Variants in PRICKLE1 observed in about 807,000 individuals in gnomAD.
PRICKLE1 encodes prickle-like protein 1.
A neutral mutation model predicts 70.2 loss-of-function variants in PRICKLE1; 14 were observed. The ratio of observed to expected loss-of-function variants is 0.20; its 90% CI spans 0.13 to 0.31. PRICKLE1 has a LOEUF of 0.31. Ranked by LOEUF, PRICKLE1 falls within the 10% of genes least tolerant of loss-of-function variation. PRICKLE1 has a pLI of 1.00. For synonymous variants in PRICKLE1, 357 were observed against 379.9 expected (o/e 0.94, Z 0.70); for missense variants, 821 against 1,026.2 (o/e 0.80, Z 2.73).
At chr12:42,566,743 C>T (rs888443783) in intron 1 of PRICKLE1, among the ~76,000 whole-genome samples, 3 of 152,190 alleles carry the variant, frequency 2.0e-5, no homozygotes, top group Non-Finnish European at 4.4e-5. Context: ...TGTGCTATTT[C>T]AAGCCAGGCA....
chr12:42,554,316 T>A (rs948996640), intron 1 of PRICKLE1, among the ~76,000 whole-genome samples: 3 of 152,136 alleles, frequency 2.0e-5, no homozygotes, highest in African/African-American at 7.2e-5. Flanking sequence ...ATTCTTATTG[T>A]AAAGGAAATA....
At chr12:42,470,838 A>G (rs1020807201) in intron 2 of PRICKLE1, among the ~76,000 whole-genome samples, 1 of 151,758 alleles carries the variant, frequency 6.6e-6, no homozygotes, top group African/African-American at 2.4e-5. Flanking sequence ...CCTGGGAGGC[A>G]GAGGTTGCAG....
In PRICKLE1 at chr12:42,503,924, G is replaced by A. The variant is rs138708902; in HGVS notation, c.-48-31360C>T. Among the ~76,000 whole-genome samples, 139 of 152,244 alleles carry A rather than the reference G, an allele frequency of 9.1e-4. 3 individuals carry two copies. The highest frequency in any genetic ancestry group is 2.9e-3 in the African/African-American group (119 of 41,528). ...AAGCGGGTTCTGGTTATTTAGTTAAGTAGCAAAGGGAATTCTTGGGGAAAA... is the reference window on the plus strand; with the variant it reads ...AAGCGGGTTCTGGTTATTTAGTTAAATAGCAAAGGGAATTCTTGGGGAAAA... On this transcript the variant is annotated intron_variant, in intron 1 of 7. Transcript: ENST00000345127.
chr12:42,566,879 C>G (rs1566129801), intron 1 of PRICKLE1, among the ~76,000 whole-genome samples: 2 of 152,132 alleles, frequency 1.3e-5, no homozygotes, highest in African/African-American at 2.4e-5. Context: ...AGTTTTTGAG[C>G]CACTATCATA....
At chr12:42,548,286 T>G (rs1276177657) in intron 1 of PRICKLE1, among the ~76,000 whole-genome samples, 1 of 152,204 alleles carries the variant, frequency 6.6e-6, no homozygotes, top group African/African-American at 2.4e-5. Context: ...TCAAAAAGTT[T>G]CAGATTTTGG....
At chr12:42,588,164 C>T (rs1230125955) in intron 1 of PRICKLE1, among the ~76,000 whole-genome samples, 1 of 152,242 alleles carries the variant, frequency 6.6e-6, no homozygotes, top group Admixed American at 6.5e-5. Context: ...CATCTGGAGC[C>T]GGACTACGGC....
intron 1 of PRICKLE1, among the ~76,000 whole-genome samples, chr12:42,538,477 G>C (rs1225498677): frequency 6.6e-6 from 1 of 152,164 alleles, no homozygotes; most frequent in African/African-American, 2.4e-5. Flanking sequence ...TGATACAGAA[G>C]GTAGGGGTGC....
chr12:42,563,359 A>G (rs747796252), intron 1 of PRICKLE1, among the ~76,000 whole-genome samples: 7 of 151,948 alleles, frequency 4.6e-5, no homozygotes, highest in African/African-American at 7.3e-5. Context: ...TTAAATGTTT[A>G]ATTATCATGG....
At chr12:42,489,452 G>A (rs1939051448) in intron 1 of PRICKLE1, among the ~76,000 whole-genome samples, 1 of 150,384 alleles carries the variant, frequency 6.6e-6, no homozygotes, top group African/African-American at 2.4e-5. Context: ...TTGAGGTGAG[G>A]AGTTCGAAAC....
At chr12:42,540,642 A>T (rs1197509548) in intron 1 of PRICKLE1, among the ~76,000 whole-genome samples, 1 of 152,076 alleles carries the variant, frequency 6.6e-6, no homozygotes, top group East Asian at 1.9e-4. Context: ...GGCTCGCTGT[A>T]ACCTCCGCCT....
At chr12:42,508,248 G>A (rs961682295) in intron 1 of PRICKLE1, among the ~76,000 whole-genome samples, 1 of 152,182 alleles carries the variant, frequency 6.6e-6, no homozygotes, top group African/African-American at 2.4e-5. Context: ...CGCTCATACT[G>A]CTTCAAGGCA....
At chr12:42,567,678 T>C (rs1034749474) in intron 1 of PRICKLE1, among the ~76,000 whole-genome samples, 7 of 151,388 alleles carry the variant, frequency 4.6e-5, no homozygotes, top group African/African-American at 1.7e-4. Flanking sequence ...AAATACAAAA[T>C]TAACTGGGCG....
chr12:42,564,931 C>T (rs565712495), intron 1 of PRICKLE1, among the ~76,000 whole-genome samples: 2 of 152,150 alleles, frequency 1.3e-5, no homozygotes, highest in African/African-American at 4.8e-5. Context: ...TATTTAAATA[C>T]GTCAGGGCAG....
intron 1 of PRICKLE1, among the ~76,000 whole-genome samples, chr12:42,561,623 G>T (rs1217490830): frequency 2.0e-5 from 3 of 152,144 alleles, no homozygotes; most frequent in African/African-American, 7.2e-5. Context: ...TAATATGTCT[G>T]TTACAAATCC....
intron 1 of PRICKLE1, among the ~76,000 whole-genome samples, chr12:42,558,018 G>A (rs949404318): frequency 1.3e-5 from 2 of 152,148 alleles, no homozygotes; most frequent in African/African-American, 4.8e-5. Context: ...AGTGATGACA[G>A]CCTCCAAATC....
At chr12:42,544,902 T>C (rs1321250421) in intron 1 of PRICKLE1, among the ~76,000 whole-genome samples, 1 of 152,132 alleles carries the variant, frequency 6.6e-6, no homozygotes, top group East Asian at 1.9e-4. Context: ...TCTGACCTCC[T>C]GTTATCACAT....
chr12:42,473,833 A>C (rs549819587), intron 1 of PRICKLE1, among the ~76,000 whole-genome samples: 76 of 1,076 alleles, frequency 0.071, no homozygotes, highest in South Asian at 0.47. Flanking sequence ...AAGGATGTCA[A>C]AAAAAAAAAA....
intron 1 of PRICKLE1, among the ~76,000 whole-genome samples, chr12:42,516,257 G>A (rs533896797): frequency 3.9e-5 from 6 of 151,936 alleles, no homozygotes; most frequent in Non-Finnish European, 7.4e-5. Context: ...TCAGCCTCCC[G>A]AGTAGCTGGG....
rs748113916 is a variant in PRICKLE1 at position 42,466,219 on chromosome 12, G to A, written c.750C>T (p.Tyr250=). ...CGCFESLYAE[Y]CETCGEHIGV... ...CAATATGTTCCCCACAGGTTTCACAGTACTCCGCATAGAGAGACTCAAAAC... is the reference window on the plus strand; with the variant it reads ...CAATATGTTCCCCACAGGTTTCACAATACTCCGCATAGAGAGACTCAAAAC... The change falls in exon 6 of 8, where the codon TAC becomes TAT. Residue 250 remains tyrosine, a synonymous_variant. Coordinates refer to ENST00000345127, the MANE Select transcript of PRICKLE1 (RefSeq NM_153026.3). 7 of 1,614,084 alleles carry A rather than the reference G, an allele frequency of 4.3e-6. No individual in the cohort carries two copies. The African/African-American group carries it at 9.3e-5, about 22-fold the overall frequency.
Sources: gnomAD v4.1 joint callset for allele counts (sites outside exome capture counted in the v4.1 genomes callset) on GRCh38, gnomAD v4.1.1 for gene constraint, MANE v1.5 for transcripts, NCBI Gene and HGNC (gene_info 2026-07-23, HGNC 2026-07-21) for gene names.